The following CCND3 variants were observed in gnomAD, a reference collection of about 807,000 sequenced individuals.
CCND3 encodes G1/S-specific cyclin-D3.
CCND3 carries 9 observed loss-of-function variants against 28.7 expected under a neutral mutation model. The observed-to-expected ratio is 0.31, with a 90% CI of 0.19 to 0.55. The LOEUF (loss-of-function observed/expected upper bound fraction) is 0.55. CCND3 is among the 20% of genes least tolerant of loss of function. The probability of loss-of-function intolerance (pLI) is 0.93; values close to 1 mark genes in which losing one functional copy is unlikely to be tolerated. For missense variants in CCND3, 315 were observed against 385.8 expected (o/e 0.82, Z 1.54); for synonymous variants, 164 against 163.9 (o/e 1.00, Z 0.00).
intron 1 of CCND3, chr6:42,030,150 A>C (rs1365158683): frequency 6.6e-6 from 1 of 152,310 alleles, no homozygotes; most frequent in African/African-American, 2.4e-5. Context: ...CAAAGCCCCT[A>C]GGTGCCCATG....
rs1358009792 is a variant in CCND3, at chr6:41,996,943, G to A, written c.-46+51558C>T. The stretch of plus-strand genomic sequence containing the variant: ...CTCCCAAAGTGCTGGGATTACAGGC[G>A]TGAGCCACAGCACCTGGCCATCTTA... On this transcript the variant is annotated intron_variant, in intron 1 of 4. Transcript: ENST00000372988. 3.9e-5 allele frequency among the ~76,000 whole-genome samples: 6 copies of A among 152,240 alleles called. No homozygotes were observed. In the South Asian group the frequency reaches 6.2e-4, roughly 16 times the overall value.
intron 1 of CCND3, among the ~76,000 whole-genome samples, chr6:42,015,050 A>C (rs1002676028): frequency 6.6e-6 from 1 of 152,178 alleles, no homozygotes; most frequent in Non-Finnish European, 1.5e-5. Context: ...TACATGCACA[A>C]ACACACACGT....
chr6:41,949,206 GT>G (rs1776244876), intron 1 of CCND3, among the ~76,000 whole-genome samples: 2 of 152,336 alleles, frequency 1.3e-5, no homozygotes, highest in East Asian at 3.9e-4. Context: ...AAAAGGCTGG[GT>G]GTGGTGGCTC....
chr6:42,040,447 G>C (rs914852011), intron 1 of CCND3, among the ~76,000 whole-genome samples: 1 of 151,582 alleles, frequency 6.6e-6, no homozygotes, highest in African/African-American at 2.4e-5. Context: ...CAACAAAAAA[G>C]AAAAGTCTGA....
At chr6:41,970,311 C>G (rs1434033556) in intron 1 of CCND3, among the ~76,000 whole-genome samples, 4 of 151,956 alleles carry the variant, frequency 2.6e-5, no homozygotes, top group African/African-American at 9.7e-5. Context: ...TGCACTCCAG[C>G]CTGGTGACAG....
intron 1 of CCND3, among the ~76,000 whole-genome samples, chr6:41,954,340 C>T (rs1776388625): frequency 7.1e-6 from 1 of 140,922 alleles, no homozygotes; most frequent in South Asian, 2.3e-4. Flanking sequence ...ATCACGAGGT[C>T]AGGAGTTCAG....
At chr6:41,959,512 G>T (rs910181111) in intron 1 of CCND3, among the ~76,000 whole-genome samples, 1 of 151,670 alleles carries the variant, frequency 6.6e-6, no homozygotes, top group Middle Eastern at 3.4e-3. Flanking sequence ...GTGAAACCCC[G>T]TCTCTACTAA....
chr6:42,038,886 A>C (rs1764298267), intron 1 of CCND3, among the ~76,000 whole-genome samples: 1 of 152,122 alleles, frequency 6.6e-6, no homozygotes. Context: ...ACCCATGCAA[A>C]AGCAACCACT....
intron 1 of CCND3, among the ~76,000 whole-genome samples, chr6:41,987,513 C>CTGTGTGTG (rs1406198911): frequency 2.4e-5 from 1 of 41,874 alleles, no homozygotes; most frequent in African/African-American, 1.9e-4. Context: ...CTCTCTCTCT[C>CTGTGTGTG]TCTCTGTGTG....
chr6:41,987,515 CTCTGTGTGTGTG>C (rs1403241329), intron 1 of CCND3, among the ~76,000 whole-genome samples: 3 of 41,240 alleles, frequency 7.3e-5, no homozygotes, highest in African/African-American at 4.2e-4. Context: ...CTCTCTCTCT[CTCTGTGTGTGTG>C]TGTGTGTGTG....
At chr6:41,959,688 C>T (rs1435427926) in intron 1 of CCND3, among the ~76,000 whole-genome samples, 1 of 122,906 alleles carries the variant, frequency 8.1e-6, no homozygotes, top group Non-Finnish European at 1.7e-5. Flanking sequence ...CTAAATCAGG[C>T]CAGGCGCGGT....
At chr6:42,029,341 G>T (rs151189771) in intron 1 of CCND3, among the ~76,000 whole-genome samples, 62 of 152,114 alleles carry the variant, frequency 4.1e-4, no homozygotes, top group African/African-American at 1.3e-3. Context: ...TATGTAGCTA[G>T]TCCTGGCTAT....
Position 41,936,829 on chromosome 6 carries a change from G to A in CCND3, c.575-134C>T. 1.2e-6 allele frequency: 1 copy of A among 851,362 alleles called. No homozygotes were observed. Among genetic ancestry groups the A allele is most frequent in the Non-Finnish European group, 1.8e-6 (1 of 549,924 alleles). 52.7% of individuals were successfully genotyped at this position (851,362 alleles called of 1,614,324 possible). A position where few individuals can be genotyped will look rare whatever the true frequency, so the allele number is the denominator to read the frequency against. ...ACATGCTGGAAAACTCCAGCAGTGG[G>A]TGGGGCAAGATATCAGCAAGGGAGG... is the stretch of plus-strand genomic sequence containing the variant. On this transcript the variant is annotated intron_variant, in intron 3 of 4. Transcript: ENST00000372991. The surrounding 1 kb of genome is among the most constrained non-coding windows in gnomAD (Gnocchi z 4.4).
intron 1 of CCND3, among the ~76,000 whole-genome samples, chr6:41,981,842 T>C (rs566117345): frequency 6.6e-6 from 1 of 152,034 alleles, no homozygotes; most frequent in South Asian, 2.1e-4. Context: ...AAAGTTAATA[T>C]ACAAAAGTCA....
At chr6:41,972,517 C>T (rs1424677608) in intron 1 of CCND3, among the ~76,000 whole-genome samples, 1 of 152,102 alleles carries the variant, frequency 6.6e-6, no homozygotes, top group Non-Finnish European at 1.5e-5. Flanking sequence ...ACCTTGGACA[C>T]ATAACCAGGC....
intron 1 of CCND3, among the ~76,000 whole-genome samples, chr6:41,991,390 A>G (rs1350744244): frequency 6.6e-6 from 1 of 152,150 alleles, no homozygotes; most frequent in Non-Finnish European, 1.5e-5. Flanking sequence ...CTGATAGCTC[A>G]TTTCTTTTTA....
intron 1 of CCND3, among the ~76,000 whole-genome samples, chr6:41,958,351 A>G (rs1776491238): frequency 6.6e-6 from 1 of 152,080 alleles, no homozygotes; most frequent in Admixed American, 6.6e-5. Flanking sequence ...AGCAAAAAAT[A>G]TATATTTACA....
At chr6:41,987,591 A>G (rs4714528) in intron 1 of CCND3, among the ~76,000 whole-genome samples, 149,060 of 149,686 alleles carry the variant, frequency 1, 74,224 homozygotes, top group Middle Eastern at 1. Context: ...CGTTCAGGCT[A>G]CCAGTGGCTC....
intron 1 of CCND3, among the ~76,000 whole-genome samples, chr6:42,015,657 C>T (rs9462764): frequency 0.76 from 114,374 of 151,386 alleles, 44,538 homozygotes; most frequent in Non-Finnish European, 0.85. Context: ...TTGCAGTGAG[C>T]GGAGATCACG....
Sources: gnomAD v4.1 joint callset for allele counts (sites outside exome capture counted in the v4.1 genomes callset) on GRCh38, gnomAD v4.1.1 for gene constraint, Gnocchi (gnomAD v3.1) non-coding constraint, MANE v1.5 for transcripts, NCBI Gene and HGNC (gene_info 2026-07-23, HGNC 2026-07-21) for gene names.